The following TBK1 variants were observed in gnomAD, a reference collection of about 807,000 sequenced individuals.
TBK1 encodes serine/threonine-protein kinase TBK1.
A neutral mutation model predicts 99.9 loss-of-function variants in TBK1; 37 were observed. The observed-to-expected ratio is 0.37, with a 90% CI of 0.28 to 0.49. TBK1 has a LOEUF of 0.49. Among genes scored for constraint, TBK1 ranks in the 20% least tolerant of loss-of-function variants. The pLI, the probability that TBK1 is intolerant of heterozygous loss-of-function variation, is 0.98. For synonymous variants in TBK1, 258 were observed against 279.8 expected (o/e 0.92, Z 0.78); for missense variants, 644 against 872.5 (o/e 0.74, Z 3.30).
chr12:64,465,930 AC>A (rs2040599107), intron 4 of TBK1, among the ~76,000 whole-genome samples: 3 of 152,146 alleles, frequency 2.0e-5, no homozygotes, highest in Admixed American at 6.5e-5. Flanking sequence ...ATCTCAGTGA[AC>A]CTATTTTTTA....
intron 3 of TBK1, 149 bp downstream of exon 3, chr12:64,460,478 GAAC>G: frequency 1.9e-6 from 1 of 515,818 alleles, no homozygotes; most frequent in Non-Finnish European, 3.2e-6. Flanking sequence ...TGAATATATA[GAAC>G]AATAGAAATA....
In TBK1 at chr12:64,496,896, G is replaced by A. The variant is rs547173280; in HGVS notation, c.1761-53G>A. The stretch of plus-strand genomic sequence containing the variant: ...ATATATTTGAAAATTTCTAAATATT[G>A]AAAGTAGAAACAGTGACATTGGTTT... On this transcript the variant is annotated intron_variant, in intron 16 of 20. Coordinates refer to ENST00000331710, the MANE Select transcript of TBK1 (RefSeq NM_013254.4). 7 of 1,223,804 alleles carry A rather than the reference G, an allele frequency of 5.7e-6. No individual in the cohort carries two copies. In the South Asian group the frequency reaches 7.0e-5, roughly 12 times the overall value. 75.8% of individuals were successfully genotyped at this position (1,223,804 alleles called of 1,614,324 possible).
chr12:64,479,977 A>G (rs2040752146), intron 6 of TBK1, 35 bp from the exon 7 acceptor site: 1 of 1,495,770 alleles, frequency 6.7e-7, no homozygotes, highest in South Asian at 1.2e-5. Flanking sequence ...GCAAAAATGA[A>G]CTGCTTATTT....
chr12:64,490,165 C>G (rs766664495), intron 13 of TBK1, 46 bp downstream of exon 13: 1 of 1,350,126 alleles, frequency 7.4e-7, no homozygotes, highest in South Asian at 1.2e-5. Flanking sequence ...ATAACCTATT[C>G]CTTTGCTGGC....
At chr12:64,477,031 C>T (rs2040721177) in intron 6 of TBK1, among the ~76,000 whole-genome samples, 1 of 152,096 alleles carries the variant, frequency 6.6e-6, no homozygotes, top group African/African-American at 2.4e-5. Context: ...GTCTGTGTAT[C>T]TGTTTTTGTA....
At position 64,480,100 on chromosome 12, in the gene TBK1, C is replaced by CACAG. The variant is rs752702698; in HGVS notation, c.790_791insACAG (p.Pro264HisfsTer24). 1 of 1,611,906 alleles carries CACAG rather than the reference C, an allele frequency of 6.2e-7. No individual in the cohort carries two copies. The highest frequency in any genetic ancestry group is 8.5e-7 in the Non-Finnish European group (1 of 1,178,806). ...ACCAATTGACTGGAGTGGAGACATG[C>CACAG]CTGTTTCTTGCAGTCTTTCTCGGTA... is the stretch of plus-strand genomic sequence containing the variant. On this transcript the variant is annotated frameshift_variant, in exon 7 of 21. Coordinates refer to ENST00000331710, the MANE Select transcript of TBK1 (RefSeq NM_013254.4). LOFTEE classifies it high-confidence loss of function.
chr12:64,480,278 G>A (rs114952157), intron 7 of TBK1, among the ~76,000 whole-genome samples, 156 bp downstream of exon 7: 3 of 152,186 alleles, frequency 2.0e-5, no homozygotes, highest in Non-Finnish European at 4.4e-5. Flanking sequence ...TTTTGTCTTC[G>A]TGGTGGTGAA....
intron 5 of TBK1, 43 bp downstream of exon 5, chr12:64,467,125 T>C: frequency 7.0e-7 from 1 of 1,423,042 alleles, no homozygotes; most frequent in East Asian, 2.6e-5. Context: ...AGAAGCTTGA[T>C]ATATTGTAAT....
At chr12:64,470,159 C>T (rs1398534571) in intron 5 of TBK1, among the ~76,000 whole-genome samples, 1 of 152,136 alleles carries the variant, frequency 6.6e-6, no homozygotes, top group Non-Finnish European at 1.5e-5. Flanking sequence ...CTAGCCAGAT[C>T]AGACAGGCTA....
chr12:64,452,788 T>C (rs2040442003), intron 1 of TBK1: 1 of 152,234 alleles, frequency 6.6e-6, no homozygotes, highest in South Asian at 2.1e-4. Context: ...ATTTCCTTGC[T>C]CCTCGTCTAC....
Position 64,496,972 on chromosome 12 carries a change from C to T in TBK1, c.1784C>T (p.Thr595Ile). 6.2e-7 allele frequency: 1 copy of T among 1,612,590 alleles called. No individual in the cohort carries two copies. Among genetic ancestry groups the T allele is most frequent in the Non-Finnish European group, 8.5e-7 (1 of 1,179,212 alleles). ...FDKQKLYYHA[T>I]KAMTHFTDEC... is the part of the protein sequence containing the mutation. The stretch of plus-strand genomic sequence containing the variant: ...AGGCAAAAACTGTATTACCATGCCA[C>T]AAAAGCTATGACGCACTTTACAGAT... The change falls in exon 17 of 21, where the codon ACA (threonine) becomes ATA (isoleucine). Residue 595 changes from threonine (T) to isoleucine (I), a missense_variant. Physicochemically the swap from Thr to Ile is moderately conservative, Grantham distance 89 (BLOSUM62 -1). This residue lies in a region of TBK1 where 465 missense variants were observed against 588.0 expected (regional missense o/e 0.79). Coordinates refer to ENST00000331710, the MANE Select transcript of TBK1 (RefSeq NM_013254.4).
At chr12:64,481,745 G>C in intron 7 of TBK1, 97 bp from the exon 8 acceptor site, 1 of 859,870 alleles carries the variant, frequency 1.2e-6, no homozygotes, top group Admixed American at 3.8e-5. Flanking sequence ...TAGTAATAAT[G>C]ACAGTTCCTT....
chr12:64,476,908 A>G (rs527408854), intron 6 of TBK1, among the ~76,000 whole-genome samples: 6 of 152,178 alleles, frequency 3.9e-5, no homozygotes, highest in Non-Finnish European at 7.4e-5. Flanking sequence ...TCCCAGCACC[A>G]TTTTTCGAAT....
At chr12:64,499,873 T>G (rs1163198928) in intron 20 of TBK1, among the ~76,000 whole-genome samples, 1 of 152,000 alleles carries the variant, frequency 6.6e-6, no homozygotes, top group Non-Finnish European at 1.5e-5. Flanking sequence ...AATTTTTGTA[T>G]TTTTAGTGGA....
intron 2 of TBK1, among the ~76,000 whole-genome samples, chr12:64,458,512 C>CATATATATATATATAT (rs10626258): frequency 8.4e-4 from 121 of 144,148 alleles, no homozygotes; most frequent in African/African-American, 2.8e-3. Context: ...TGGATATATA[C>CATATATATATATATAT]ATATATATAT....
At chr12:64,468,439 C>T (rs1172996921) in intron 5 of TBK1, among the ~76,000 whole-genome samples, 5 of 150,776 alleles carry the variant, frequency 3.3e-5, no homozygotes, top group Admixed American at 6.6e-5. Flanking sequence ...TTCAGTGAGC[C>T]GAGATCGTGC....
chr12:64,473,503 T>G (rs1223551162), intron 5 of TBK1, among the ~76,000 whole-genome samples: 3 of 152,154 alleles, frequency 2.0e-5, no homozygotes, highest in African/African-American at 7.2e-5. Flanking sequence ...CTGCATTAAA[T>G]AAGTGGGATA....
intron 5 of TBK1, 114 bp from the exon 6 acceptor site, chr12:64,474,116 G>T: frequency 9.8e-7 from 1 of 1,015,542 alleles, no homozygotes. Flanking sequence ...GATTGGGAAA[G>T]TGAAGTTATT....
chr12:64,479,215 T>G (rs1252494094), intron 6 of TBK1, among the ~76,000 whole-genome samples: 1 of 152,240 alleles, frequency 6.6e-6, no homozygotes, highest in African/African-American at 2.4e-5. Flanking sequence ...ATTAAACTTT[T>G]TTAAAACTTG....
Sources: allele counts gnomAD v4.1 joint callset (sites outside exome capture counted in the v4.1 genomes callset), GRCh38; gene constraint gnomAD v4.1.1; regional missense constraint gnomAD v4.1.1; transcripts MANE v1.5; gene names NCBI Gene and HGNC (gene_info 2026-07-23, HGNC 2026-07-21).